OPCML: variants seen among roughly 807,000 people sequenced by gnomAD.
The protein encoded by OPCML is opioid-binding protein/cell adhesion molecule.
Under a neutral mutation model 37.8 loss-of-function variants are expected in OPCML, and 13 were observed. The observed-to-expected ratio is 0.34, with a 90% CI of 0.22 to 0.55. OPCML has a LOEUF of 0.55. Among genes scored for constraint, OPCML ranks in the 20% least tolerant of loss-of-function variants. The pLI is 0.91. For missense variants in OPCML, 341 were observed against 435.6 expected (o/e 0.78, Z 1.93); for synonymous variants, 176 against 168.8 (o/e 1.04, Z -0.33).
At chr11:133,148,651 C>T (rs60832158) in intron 1 of OPCML, among the ~76,000 whole-genome samples, 3,409 of 151,810 alleles carry the variant, frequency 0.022, 120 homozygotes, top group African/African-American at 0.079. Flanking sequence ...AACATCCATG[C>T]GCACTTCAGC....
chr11:133,482,388 C>G (rs180969812), intron 1 of OPCML, among the ~76,000 whole-genome samples: 13 of 152,114 alleles, frequency 8.5e-5, no homozygotes, highest in Non-Finnish European at 1.5e-4. Flanking sequence ...CGGTTTCATA[C>G]GGGAAAGCAT....
chr11:132,786,095 C>T (rs1947201217), intron 2 of OPCML, among the ~76,000 whole-genome samples: 1 of 152,192 alleles, frequency 6.6e-6, no homozygotes, highest in Non-Finnish European at 1.5e-5. Context: ...CCGCTTTCCA[C>T]CTCCAGCTGC....
chr11:133,433,977 T>G (rs539067953), intron 1 of OPCML, among the ~76,000 whole-genome samples: 190 of 152,358 alleles, frequency 1.2e-3, no homozygotes, highest in African/African-American at 4.4e-3. Flanking sequence ...TGCTTTGTGC[T>G]TCTTGAACTT....
intron 1 of OPCML, among the ~76,000 whole-genome samples, chr11:133,136,361 G>A (rs999959788): frequency 4.6e-5 from 5 of 109,268 alleles, no homozygotes; most frequent in Non-Finnish European, 9.8e-5. Flanking sequence ...GGAGCTTTTA[G>A]TGCAGAGCCC....
intron 1 of OPCML, among the ~76,000 whole-genome samples, chr11:133,169,392 A>T (rs541230131): frequency 5.1e-4 from 77 of 152,240 alleles, no homozygotes; most frequent in Non-Finnish European, 1.0e-3. Context: ...AATAGCATGC[A>T]CAGATGAGAG....
intron 1 of OPCML, chr11:133,008,352 A>G: frequency 2.0e-6 from 2 of 985,386 alleles, no homozygotes; most frequent in Non-Finnish European, 2.4e-6. Flanking sequence ...CCTGAAAGGA[A>G]TATGTTCCTT....
chr11:132,459,406 T>C (rs936122770), intron 4 of OPCML, among the ~76,000 whole-genome samples: 1 of 123,014 alleles, frequency 8.1e-6, no homozygotes, highest in Non-Finnish European at 1.6e-5. Context: ...TCTCTCTCTC[T>C]TCACACATAC....
intron 1 of OPCML, among the ~76,000 whole-genome samples, chr11:133,195,407 T>C (rs1187298284): frequency 6.6e-6 from 1 of 152,244 alleles, no homozygotes; most frequent in Non-Finnish European, 1.5e-5. Flanking sequence ...CACATGTATG[T>C]GTGCCTTTCT....
chr11:133,116,389 C>G (rs913163643), intron 1 of OPCML, among the ~76,000 whole-genome samples: 1 of 152,216 alleles, frequency 6.6e-6, no homozygotes, highest in African/African-American at 2.4e-5. Flanking sequence ...ATCCTTTATA[C>G]TCTGTCATCC....
intron 2 of OPCML, among the ~76,000 whole-genome samples, chr11:132,832,452 T>A (rs896309083): frequency 2.0e-5 from 3 of 152,232 alleles, no homozygotes; most frequent in Non-Finnish European, 4.4e-5. Context: ...TACGGACAAT[T>A]ATTCTGCTTA....
chr11:133,351,503 G>A (rs564122924), intron 1 of OPCML, among the ~76,000 whole-genome samples: 1 of 150,230 alleles, frequency 6.7e-6, no homozygotes, highest in Admixed American at 6.7e-5. Flanking sequence ...CTTGTTAATT[G>A]TTAGGTCATT....
intron 1 of OPCML, among the ~76,000 whole-genome samples, chr11:133,375,762 A>G (rs184420308): frequency 6.6e-6 from 1 of 152,200 alleles, no homozygotes; most frequent in African/African-American, 2.4e-5. Context: ...TGTCTATTCA[A>G]GCTGTCAGCT....
At chr11:132,632,504 G>A (rs1053751176) in intron 3 of OPCML, among the ~76,000 whole-genome samples, 9 of 152,052 alleles carry the variant, frequency 5.9e-5, no homozygotes, top group African/African-American at 2.2e-4. Context: ...AAGTAATGGA[G>A]CAGGGACTTC....
At chr11:132,778,364 A>T (rs2136142554) in intron 2 of OPCML, among the ~76,000 whole-genome samples, 1 of 152,324 alleles carries the variant, frequency 6.6e-6, no homozygotes, top group South Asian at 2.1e-4. Flanking sequence ...ATTCAACCAA[A>T]AATGTTTCTT....
chr11:133,293,684 A>T (rs1339056727), intron 1 of OPCML, among the ~76,000 whole-genome samples: 1 of 152,098 alleles, frequency 6.6e-6, no homozygotes, highest in Non-Finnish European at 1.5e-5. Flanking sequence ...GTCTGGTTCC[A>T]ATTTACCCCA....
chr11:132,547,878 G>A (rs928528888), intron 3 of OPCML, among the ~76,000 whole-genome samples: 1 of 152,160 alleles, frequency 6.6e-6, no homozygotes, highest in African/African-American at 2.4e-5. Flanking sequence ...AAGTGAAGGA[G>A]AGAGACCCAA....
chr11:133,275,943 C>T (rs1941981025), intron 1 of OPCML, among the ~76,000 whole-genome samples: 1 of 152,140 alleles, frequency 6.6e-6, no homozygotes, highest in Non-Finnish European at 1.5e-5. Context: ...TGAATGTATT[C>T]ATTCAATGTT....
intron 4 of OPCML, among the ~76,000 whole-genome samples, chr11:132,522,943 CT>C (rs2096297674): frequency 2.0e-5 from 3 of 152,190 alleles, no homozygotes; most frequent in Non-Finnish European, 2.9e-5. Context: ...TGGATCAGTA[CT>C]TTTTTGTTTG....
chr11:132,611,475 T>A (rs1238236567), intron 3 of OPCML, among the ~76,000 whole-genome samples: 2 of 152,150 alleles, frequency 1.3e-5, no homozygotes, highest in African/African-American at 4.8e-5. Context: ...TCTCCCAACA[T>A]GGATAGTTAA....
Sources: gnomAD v4.1 joint callset for allele counts (sites outside exome capture counted in the v4.1 genomes callset) on GRCh38, gnomAD v4.1.1 for gene constraint, MANE v1.5 for transcripts, NCBI Gene and HGNC (gene_info 2026-07-23, HGNC 2026-07-21) for gene names.